Variants in LRBA observed in about 807,000 individuals in gnomAD.
LRBA encodes LPS responsive beige-like anchor protein.
Under a neutral mutation model 330.0 loss-of-function variants are expected in LRBA, and 176 were observed. The observed-to-expected ratio is 0.53, with a 90% CI of 0.47 to 0.60. The LOEUF (loss-of-function observed/expected upper bound fraction) is 0.60. Ranked by LOEUF, LRBA falls within the 20% of genes least tolerant of loss-of-function variation. The pLI, the probability that LRBA is intolerant of heterozygous loss-of-function variation, is 0.00. For missense variants in LRBA, 3,259 were observed against 3,444.8 expected (o/e 0.95, Z 1.35); for synonymous variants, 1,230 against 1,193.0 (o/e 1.03, Z -0.64).
At chr4:150,671,794 A>G (rs533407153) in intron 37 of LRBA, among the ~76,000 whole-genome samples, 8 of 152,306 alleles carry the variant, frequency 5.3e-5, no homozygotes, top group African/African-American at 1.9e-4. Flanking sequence ...AGAGACAGAG[A>G]CAAGGGCAGC....
intron 47 of LRBA, among the ~76,000 whole-genome samples, chr4:150,367,343 A>G (rs1468977843): frequency 1.3e-5 from 2 of 152,190 alleles, no homozygotes; most frequent in East Asian, 3.8e-4. Flanking sequence ...TTGCAAAAAG[A>G]CAGTTTTCTT....
At chr4:150,299,331 C>T (rs545690963) in intron 53 of LRBA, among the ~76,000 whole-genome samples, 60 of 151,874 alleles carry the variant, frequency 4.0e-4, no homozygotes, top group Non-Finnish European at 6.5e-4. Flanking sequence ...AACTGCATTC[C>T]ACAGGAGATA....
chr4:150,522,566 C>A (rs1438442299), intron 40 of LRBA, among the ~76,000 whole-genome samples: 3 of 151,908 alleles, frequency 2.0e-5, no homozygotes, highest in Non-Finnish European at 2.9e-5. Flanking sequence ...GGGCCCACAA[C>A]ACCAGAGGGG....
intron 36 of LRBA, among the ~76,000 whole-genome samples, chr4:150,700,942 T>G (rs1643008395): frequency 6.6e-6 from 1 of 152,080 alleles, no homozygotes; most frequent in Admixed American, 6.6e-5. Context: ...TTATTTTTTG[T>G]AGAGACAAGG....
rs1015409557 is a variant in LRBA, at chr4:150,702,529, G to A, written c.5755-18812C>T. On this transcript the variant is annotated intron_variant, in intron 36 of 56. Transcript: ENST00000651943. ...ATGTTTTAGAATAAAAATATTACAA[G>A]CTACAGATTTGAGACTACACTAATG... 2.0e-5 allele frequency among the ~76,000 whole-genome samples: 3 copies of A among 152,050 alleles called. No individual in the cohort carries two copies. The South Asian group carries it at 6.2e-4, about 32-fold the overall frequency.
intron 20 of LRBA, among the ~76,000 whole-genome samples, chr4:150,870,075 A>T (rs1753246345): frequency 6.6e-6 from 1 of 152,242 alleles, no homozygotes; most frequent in Admixed American, 6.5e-5. Context: ...TACTTTATAC[A>T]AGTGCTTAAG....
At chr4:150,777,240 T>C (rs2126568258) in intron 34 of LRBA, among the ~76,000 whole-genome samples, 1 of 152,252 alleles carries the variant, frequency 6.6e-6, no homozygotes, top group African/African-American at 2.4e-5. Flanking sequence ...AATATTGGTA[T>C]GAGCCACTGC....
At chr4:150,283,700 C>T (rs114767081) in intron 54 of LRBA, among the ~76,000 whole-genome samples, 1,611 of 152,282 alleles carry the variant, frequency 0.011, 16 homozygotes, top group Middle Eastern at 0.017. Flanking sequence ...AGTTATCACT[C>T]CTTAAATAAC....
intron 34 of LRBA, among the ~76,000 whole-genome samples, chr4:150,788,911 C>A (rs540335057): frequency 6.6e-6 from 1 of 151,786 alleles, no homozygotes; most frequent in African/African-American, 2.4e-5. Context: ...CCCATCTCCA[C>A]TAAAATTCAA....
chr4:150,404,442 C>T lies in LRBA; in HGVS notation c.7194+10996G>A, dbSNP rs371856462. ...GTGATAAGAAGGGTAACGATGCACGCTTTAGGGTATCATTTGGCTAAAAAA... is the reference window on the plus strand; with the variant it reads ...GTGATAAGAAGGGTAACGATGCACGTTTTAGGGTATCATTTGGCTAAAAAA... On this transcript the variant is annotated intron_variant, in intron 47 of 56. Transcript: ENST00000651943. Among the ~76,000 whole-genome samples the T allele has an allele frequency of 3.9e-5, 6 of 152,166 alleles. No homozygotes were observed. The South Asian group carries it at 6.2e-4, about 16-fold the overall frequency.
intron 40 of LRBA, among the ~76,000 whole-genome samples, chr4:150,574,666 G>T (rs1354434617): frequency 2.0e-5 from 3 of 151,936 alleles, no homozygotes; most frequent in Non-Finnish European, 2.9e-5. Flanking sequence ...CATATCTATA[G>T]ATTTGTATCA....
At chr4:150,772,997 T>A (rs1736791651) in intron 34 of LRBA, among the ~76,000 whole-genome samples, 1 of 152,206 alleles carries the variant, frequency 6.6e-6, no homozygotes, top group Non-Finnish European at 1.5e-5. Flanking sequence ...TGTACCTTTT[T>A]GGTTATAGGA....
chr4:150,489,175 A>ACG (rs1343944004), intron 41 of LRBA, among the ~76,000 whole-genome samples: 6 of 36,778 alleles, frequency 1.6e-4, no homozygotes, highest in Non-Finnish European at 5.0e-4. Context: ...TATTATATAT[A>ACG]AGTATATAAT....
chr4:150,578,546 T>A (rs552591912), intron 40 of LRBA, among the ~76,000 whole-genome samples: 1 of 152,278 alleles, frequency 6.6e-6, no homozygotes, highest in South Asian at 2.1e-4. Flanking sequence ...ATGTAATGAG[T>A]AATCTGGTTA....
chr4:151,012,808 C>CCTTTTTTTTTTTTTT (rs1745003916), intron 2 of LRBA: 1 of 124,576 alleles, frequency 8.0e-6, no homozygotes, highest in African/African-American at 3.1e-5. Context: ...AAGTGAATTT[C>CCTTTTTTTTTTTTTT]TTTTTTTTTT....
chr4:150,292,396 A>C (rs1384821576), intron 53 of LRBA, among the ~76,000 whole-genome samples: 2 of 152,218 alleles, frequency 1.3e-5, no homozygotes, highest in East Asian at 3.8e-4. Context: ...TCACTTTGAA[A>C]TGCAGTATAA....
intron 40 of LRBA, among the ~76,000 whole-genome samples, chr4:150,494,165 A>T (rs1942580495): frequency 6.6e-6 from 1 of 152,184 alleles, no homozygotes; most frequent in African/African-American, 2.4e-5. Context: ...AGTGGCAGAA[A>T]ATGGCCTATA....
chr4:150,582,759 G>A (rs1771550301), intron 40 of LRBA: 1 of 399,748 alleles, frequency 2.5e-6, no homozygotes, highest in African/African-American at 2.0e-5. Flanking sequence ...AAAGCAAAAA[G>A]GTTCCAAGAG....
At chr4:150,608,240 G>A (rs1774868842) in intron 37 of LRBA, among the ~76,000 whole-genome samples, 1 of 152,136 alleles carries the variant, frequency 6.6e-6, no homozygotes, top group Non-Finnish European at 1.5e-5. Context: ...AGGGAGACTG[G>A]TTAGTCTTGG....
Sources: allele counts gnomAD v4.1 joint callset (sites outside exome capture counted in the v4.1 genomes callset), GRCh38; gene constraint gnomAD v4.1.1; transcripts MANE v1.5; gene names NCBI Gene and HGNC (gene_info 2026-07-23, HGNC 2026-07-21).